Variants in CCSER1 observed in about 807,000 individuals in gnomAD.
The protein encoded by CCSER1 is serine-rich coiled-coil domain-containing protein 1.
In CCSER1, 41 loss-of-function variants were observed where a neutral mutation model predicts 82.0. The ratio of observed to expected loss-of-function variants is 0.50; its 90% CI spans 0.39 to 0.65. The LOEUF is 0.65. Ranked by LOEUF, CCSER1 falls within the 30% of genes least tolerant of loss-of-function variation. The pLI is 0.00. For missense variants in CCSER1, 1,119 were observed against 1,064.2 expected (o/e 1.05, Z -0.72); for synonymous variants, 414 against 383.9 (o/e 1.08, Z -0.92).
At chr4:90,762,142 C>G (rs13141434) in intron 7 of CCSER1, among the ~76,000 whole-genome samples, 10,486 of 152,112 alleles carry the variant, frequency 0.069, 492 homozygotes, top group South Asian at 0.13. Context: ...GTGGGAAGGA[C>G]CCGACAGGAG....
chr4:91,574,268 T>A (rs1178749910), intron 10 of CCSER1, among the ~76,000 whole-genome samples: 2 of 149,650 alleles, frequency 1.3e-5, no homozygotes, highest in Non-Finnish European at 3.0e-5. Context: ...AAAAAAAAAA[T>A]GAATGCTTAT....
chr4:90,495,685 A>G (rs574010033), intron 5 of CCSER1, among the ~76,000 whole-genome samples: 1 of 152,196 alleles, frequency 6.6e-6, no homozygotes, highest in South Asian at 2.1e-4. Flanking sequence ...TCATAATGTC[A>G]TTTATTTTTA....
In CCSER1 at chr4:90,628,192, T is replaced by C. The variant is rs1723682417; in HGVS notation, c.1892T>C (p.Val631Ala). 1.2e-6 allele frequency: 2 copies of C among 1,613,836 alleles called. No homozygotes were observed. The highest frequency in any genetic ancestry group is 3.3e-5 in the Admixed American group (2 of 60,026). ...CTGATGTTACAGGACTGCACGGCAG[T>C]CAAGACGTTATTATTAAAGATGAAG... ...FRLMLQDCTA[V>A]KTLLLKMKRV... is the part of the protein sequence containing the mutation. The change falls in exon 6 of 11, where the codon GTC becomes GCC. Residue 631 changes from valine to alanine, a missense_variant. Physicochemically the swap from Val to Ala is moderately conservative, Grantham distance 64 (BLOSUM62 0). Coordinates refer to ENST00000509176, the MANE Select transcript of CCSER1 (RefSeq NM_001145065.2).
chr4:90,271,798 A>G (rs1005729875), intron 1 of CCSER1, among the ~76,000 whole-genome samples: 8 of 136,132 alleles, frequency 5.9e-5, no homozygotes, highest in African/African-American at 2.2e-4. Flanking sequence ...TCACACTGCT[A>G]TAAAGATACT....
chr4:91,566,276 G>C (rs1399202642), intron 10 of CCSER1, among the ~76,000 whole-genome samples: 1 of 152,106 alleles, frequency 6.6e-6, no homozygotes, highest in Non-Finnish European at 1.5e-5. Flanking sequence ...TTGATGTGCT[G>C]CTGGATTTGA....
intron 4 of CCSER1, among the ~76,000 whole-genome samples, chr4:90,462,622 G>A (rs1230862723): frequency 1.3e-5 from 2 of 152,146 alleles, no homozygotes; most frequent in East Asian, 3.9e-4. Flanking sequence ...TGTAGTCCCA[G>A]CTACTCAGGA....
chr4:90,831,661 G>A (rs1047590273), intron 8 of CCSER1, among the ~76,000 whole-genome samples: 2 of 152,048 alleles, frequency 1.3e-5, no homozygotes, highest in Non-Finnish European at 2.9e-5. Context: ...GAAACTTTAC[G>A]AACATGACTG....
chr4:90,334,919 A>G (rs1740093833), intron 3 of CCSER1, among the ~76,000 whole-genome samples: 1 of 152,214 alleles, frequency 6.6e-6, no homozygotes, highest in Non-Finnish European at 1.5e-5. Flanking sequence ...CCAAACTGTC[A>G]TTCTGTAAAA....
intron 10 of CCSER1, among the ~76,000 whole-genome samples, chr4:91,312,243 A>G (rs1230638052): frequency 1.3e-5 from 2 of 151,790 alleles, no homozygotes; most frequent in African/African-American, 4.8e-5. Flanking sequence ...TATAATATAT[A>G]AGATAATATG....
At chr4:90,829,703 C>T (rs1334130109) in intron 8 of CCSER1, among the ~76,000 whole-genome samples, 1 of 152,082 alleles carries the variant, frequency 6.6e-6, no homozygotes. Context: ...GGAAGGGACC[C>T]AAGTGCACAC....
At chr4:91,341,322 T>C (rs1489427202) in intron 10 of CCSER1, among the ~76,000 whole-genome samples, 1 of 152,166 alleles carries the variant, frequency 6.6e-6, no homozygotes, top group African/African-American at 2.4e-5. Context: ...TTCTGAACTG[T>C]GGATTGAGTA....
chr4:90,388,425 T>A (rs1750427578), intron 3 of CCSER1, among the ~76,000 whole-genome samples: 1 of 151,984 alleles, frequency 6.6e-6, no homozygotes, highest in African/African-American at 2.4e-5. Flanking sequence ...TTCTCCTGCC[T>A]CAGCCTCCTG....
At chr4:91,421,799 A>T (rs1238149459) in intron 10 of CCSER1, among the ~76,000 whole-genome samples, 3 of 150,900 alleles carry the variant, frequency 2.0e-5, no homozygotes, top group South Asian at 2.1e-4. Context: ...ATTAAAAATT[A>T]AAAAAAGTTA....
chr4:91,161,810 G>T (rs1393575696), intron 10 of CCSER1, among the ~76,000 whole-genome samples: 2 of 152,134 alleles, frequency 1.3e-5, no homozygotes, highest in African/African-American at 2.4e-5. Flanking sequence ...ACATGAAGTT[G>T]CTTATCAGCT....
intron 9 of CCSER1, among the ~76,000 whole-genome samples, chr4:91,049,008 C>T (rs1374135013): frequency 6.6e-6 from 1 of 152,144 alleles, no homozygotes; most frequent in Non-Finnish European, 1.5e-5. Context: ...AGGCTTTTAA[C>T]ATACTTACAG....
chr4:90,709,130 T>G (rs1739995363), intron 6 of CCSER1, among the ~76,000 whole-genome samples: 2 of 152,180 alleles, frequency 1.3e-5, no homozygotes, highest in African/African-American at 4.8e-5. Context: ...GGAAATTTAT[T>G]CATTCCATAT....
intron 10 of CCSER1, among the ~76,000 whole-genome samples, chr4:91,165,217 C>T (rs994325951): frequency 2.0e-5 from 3 of 152,176 alleles, no homozygotes; most frequent in African/African-American, 7.2e-5. Flanking sequence ...TTGCAGTTTG[C>T]TGGAGGTCCA....
At chr4:90,704,474 G>T (rs1738866652) in intron 6 of CCSER1, among the ~76,000 whole-genome samples, 2 of 152,150 alleles carry the variant, frequency 1.3e-5, no homozygotes, top group African/African-American at 2.4e-5. Flanking sequence ...TTCTCGAGGA[G>T]TATCTTTGTG....
intron 5 of CCSER1, among the ~76,000 whole-genome samples, chr4:90,482,582 T>C (rs895763401): frequency 7.9e-5 from 12 of 152,234 alleles, no homozygotes; most frequent in East Asian, 1.9e-4. Context: ...TCTTTGTTCT[T>C]GTTGGTTTCA....
Sources: gnomAD v4.1 joint callset for allele counts (sites outside exome capture counted in the v4.1 genomes callset) on GRCh38, gnomAD v4.1.1 for gene constraint, MANE v1.5 for transcripts, NCBI Gene and HGNC (gene_info 2026-07-23, HGNC 2026-07-21) for gene names.